UST: variants seen among roughly 807,000 people sequenced by gnomAD.
The protein encoded by UST is chondroitin sulfate 2-O-sulfotransferase.
A neutral mutation model predicts 45.6 loss-of-function variants in UST; 21 were observed. The ratio of observed to expected loss-of-function variants is 0.46; its 90% confidence interval spans 0.33 to 0.66. The LOEUF (loss-of-function observed/expected upper bound fraction) is 0.66, where lower values mean the gene tolerates loss of function less well. UST is among the 30% of genes least tolerant of loss of function. The pLI is 0.02. For missense variants in UST, 463 were observed against 512.4 expected, an observed-to-expected ratio of 0.90 and a Z score of 0.93; for synonymous variants, 215 against 200.6, an observed-to-expected ratio of 1.07 and a Z score of -0.61.
chr6:148,903,519 T>C (rs533517008), intron 2 of UST, among the ~76,000 whole-genome samples: 1 of 152,372 alleles, frequency 6.6e-6, no homozygotes, highest in African/African-American at 2.4e-5. Context: ...GTTTCCTTTG[T>C]GGGTTGTGAT....
chr6:148,885,287 AT>A (rs1474303242), intron 1 of UST, among the ~76,000 whole-genome samples: 1 of 152,152 alleles, frequency 6.6e-6, no homozygotes, highest in Non-Finnish European at 1.5e-5. Context: ...GGGAAGGCAT[AT>A]TCCCATGCTG....
intron 2 of UST, among the ~76,000 whole-genome samples, chr6:148,893,121 A>G (rs552112382): frequency 6.6e-6 from 1 of 152,190 alleles, no homozygotes; most frequent in South Asian, 2.1e-4. Context: ...TTGAGGGTTA[A>G]GATATATTAC....
rs150267458 is a variant in UST, at chr6:148,922,153, A to G, written c.292-19126A>G. 8.2e-3 allele frequency among the ~76,000 whole-genome samples: 1,255 copies of G among 152,316 alleles called. 17 individuals carry two copies. The highest frequency in any genetic ancestry group is 0.017 in the Middle Eastern group (5 of 292). ...AGTGTACAATTCAGTGGTTTTTAGT[A>G]TATTCACAAAATTTTGCCACCATTA... On this transcript the variant is annotated intron_variant, in intron 2 of 7. Coordinates refer to ENST00000367463, the MANE Select transcript of UST (RefSeq NM_005715.3).
chr6:148,900,203 GTC>G (rs1464092331), intron 2 of UST, among the ~76,000 whole-genome samples: 1 of 152,154 alleles, frequency 6.6e-6, no homozygotes, highest in Non-Finnish European at 1.5e-5. Flanking sequence ...AGTTGATGAA[GTC>G]TCTCCTGGGG....
intron 2 of UST, among the ~76,000 whole-genome samples, chr6:148,894,492 A>C (rs1452303023): frequency 1.3e-5 from 2 of 152,190 alleles, no homozygotes; most frequent in Non-Finnish European, 2.9e-5. Context: ...ACCAAGGTAC[A>C]CCAAGGATGG....
intron 7 of UST, among the ~76,000 whole-genome samples, chr6:149,050,141 A>C (rs1226777489): frequency 2.0e-5 from 3 of 152,200 alleles, no homozygotes; most frequent in Non-Finnish European, 4.4e-5. Context: ...GCCTGAATGC[A>C]GGTATTTAAA....
At chr6:149,025,927 T>C (rs1776044259) in intron 7 of UST, among the ~76,000 whole-genome samples, 1 of 151,742 alleles carries the variant, frequency 6.6e-6, no homozygotes, top group Non-Finnish European at 1.5e-5. Context: ...GGTGGGTGGA[T>C]CACGAGGTCA....
intron 4 of UST, among the ~76,000 whole-genome samples, chr6:148,961,316 T>C (rs1013103565): frequency 2.6e-5 from 4 of 152,196 alleles, no homozygotes; most frequent in African/African-American, 9.7e-5. Flanking sequence ...CAAAAGGGTA[T>C]GTTGTTGAAC....
chr6:149,040,127 G>C (rs578214542), intron 7 of UST, among the ~76,000 whole-genome samples: 1 of 152,312 alleles, frequency 6.6e-6, no homozygotes, highest in African/African-American at 2.4e-5. Context: ...ACAGTCCTGA[G>C]CTCTTCCAAC....
At chr6:148,824,781 A>G (rs1777537433) in intron 1 of UST, among the ~76,000 whole-genome samples, 1 of 142,674 alleles carries the variant, frequency 7.0e-6, no homozygotes, top group Admixed American at 7.0e-5. Flanking sequence ...TGCACCCACT[A>G]ACGTGTCATC....
rs368804945 is a variant in UST at position 148,929,422 on chromosome 6, A to C, written c.292-11857A>C. ...GGTAGGATTTTCAGATCTTAAAGGAAGCACCCAGGAAAGATAGTCTCTTCT... is the reference window on the plus strand; with the variant it reads ...GGTAGGATTTTCAGATCTTAAAGGACGCACCCAGGAAAGATAGTCTCTTCT... On this transcript the variant is annotated intron_variant, in intron 2 of 7. Coordinates refer to ENST00000367463, the MANE Select transcript of UST (RefSeq NM_005715.3). Among the ~76,000 whole-genome samples, 13 of 152,318 alleles carry C rather than the reference A, an allele frequency of 8.5e-5. No homozygotes were observed. In the East Asian group the frequency reaches 2.5e-3, roughly 29 times the overall value.
chr6:148,890,805 C>T (rs188574526), intron 2 of UST, among the ~76,000 whole-genome samples: 96 of 152,302 alleles, frequency 6.3e-4, no homozygotes, highest in African/African-American at 2.0e-3. Context: ...TATTTTCTTT[C>T]GGTTGCCACA....
chr6:149,050,260 T>G (rs1198773027), intron 7 of UST, among the ~76,000 whole-genome samples: 1 of 152,180 alleles, frequency 6.6e-6, no homozygotes, highest in Non-Finnish European at 1.5e-5. Context: ...TGACACACCC[T>G]CCTCCTCACA....
chr6:148,831,319 A>G (rs72999195), intron 1 of UST, among the ~76,000 whole-genome samples: 2,321 of 152,332 alleles, frequency 0.015, 30 homozygotes, highest in Middle Eastern at 0.031. Flanking sequence ...CCACAGCCAC[A>G]GGGTGTATTT....
intron 5 of UST, among the ~76,000 whole-genome samples, chr6:148,980,448 A>C (rs1007263795): frequency 6.6e-6 from 1 of 152,164 alleles, no homozygotes; most frequent in Non-Finnish European, 1.5e-5. Flanking sequence ...GTGCTGCCAG[A>C]TTAGCCTCCC....
At chr6:148,995,186 GGCTAATTTTTGTATTTTTA>G (rs1781430667) in intron 5 of UST, among the ~76,000 whole-genome samples, 1 of 152,166 alleles carries the variant, frequency 6.6e-6, no homozygotes, top group Non-Finnish European at 1.5e-5. Context: ...CACCACACTT[GGCTAATTTTTGTATTTTTA>G]GCAGAGTTGG....
chr6:149,006,652 G>C (rs186928995), intron 5 of UST, among the ~76,000 whole-genome samples: 1 of 152,308 alleles, frequency 6.6e-6, no homozygotes, highest in East Asian at 1.9e-4. Flanking sequence ...TCTGGTTGTA[G>C]ATCTTTGAGG....
intron 7 of UST, among the ~76,000 whole-genome samples, chr6:149,024,929 G>C (rs576012638): frequency 2.6e-4 from 40 of 151,580 alleles, no homozygotes; most frequent in African/African-American, 9.4e-4. Context: ...TTTGGTGTTT[G>C]TCCTGTTATT....
intron 1 of UST, among the ~76,000 whole-genome samples, chr6:148,845,505 C>G (rs1156987310): frequency 6.6e-6 from 1 of 152,026 alleles, no homozygotes; most frequent in Non-Finnish European, 1.5e-5. Flanking sequence ...ATTCATTGTC[C>G]TATTGTTGGG....
Sources: allele counts gnomAD v4.1 joint callset (sites outside exome capture counted in the v4.1 genomes callset), GRCh38; gene constraint gnomAD v4.1.1; transcripts MANE v1.5; gene names NCBI Gene and HGNC (gene_info 2026-07-23, HGNC 2026-07-21).